WDR90: variants seen among roughly 807,000 people sequenced by gnomAD.
The protein encoded by WDR90 is WD repeat-containing protein 90.
In WDR90, 238 loss-of-function variants were observed where a neutral mutation model predicts 195.2. The ratio of observed to expected loss-of-function variants is 1.22; its 90% CI spans 1.10 to 1.36. The LOEUF is 1.36. Ranked by LOEUF, WDR90 falls within the 40% of genes most tolerant of loss-of-function variation. The probability of loss-of-function intolerance (pLI) is 0.00; values close to 1 mark genes in which losing one functional copy is unlikely to be tolerated. For missense variants in WDR90, 2,734 were observed against 2,439.5 expected (o/e 1.12, Z -2.54); for synonymous variants, 1,265 against 1,052.4 (o/e 1.20, Z -3.91).
chr16:652,269 TG>T, intron 9 of WDR90, 197 bp from the exon 10 acceptor site: 1 of 800,692 alleles, frequency 1.2e-6, no homozygotes, highest in East Asian at 2.7e-5. Flanking sequence ...AGGTGGTCTG[TG>T]GGGGACCCTC....
intron 34 of WDR90, chr16:665,464 T>A: frequency 1.5e-6 from 1 of 680,050 alleles, no homozygotes; most frequent in Non-Finnish European, 2.5e-6. Flanking sequence ...TTTGACTGGC[T>A]AGTGGGCTTG....
At chr16:663,760 C>T (rs1047745214) in intron 34 of WDR90, among the ~76,000 whole-genome samples, 1 of 152,224 alleles carries the variant, frequency 6.6e-6, no homozygotes, top group Non-Finnish European at 1.5e-5. Context: ...GCCACCGTGT[C>T]GCCCCCTCAC....
At chr16:664,975 G>A (rs1323159874) in intron 34 of WDR90, 2 of 152,782 alleles carry the variant, frequency 1.3e-5, no homozygotes, top group African/African-American at 2.4e-5. Context: ...CACCGCGCCC[G>A]GCTGAACTGA....
intron 32 of WDR90, 55 bp downstream of exon 32, chr16:662,114 G>A: frequency 6.4e-7 from 1 of 1,570,474 alleles, no homozygotes; most frequent in East Asian, 2.3e-5. Flanking sequence ...GGGATCCTCA[G>A]AGCTGGGGCA....
intron 40 of WDR90, 32 bp from the exon 41 acceptor site, chr16:667,400 G>T (rs746514012): frequency 1.3e-6 from 2 of 1,571,114 alleles, no homozygotes; most frequent in South Asian, 1.2e-5. Flanking sequence ...GCCTGGTCCT[G>T]GCCCTGGCCC....
At chr16:657,611 C>A (rs1596463846) in intron 20 of WDR90, 151 bp from the exon 21 acceptor site, 1 of 1,216,830 alleles carries the variant, frequency 8.2e-7, no homozygotes, top group Non-Finnish European at 1.1e-6. Context: ...CGCCCACTGG[C>A]ACCTTGGCAA....
rs777170272 is a variant in WDR90, at chr16:653,654, G to T, written c.1363G>T (p.Val455Phe). Residue 455 changes from valine (V) to phenylalanine (F), a missense_variant, in exon 12 of 41, where the codon GTT becomes TTT. Coordinates refer to ENST00000293879, the MANE Select transcript of WDR90 (RefSeq NM_145294.5). Reference protein sequence around the residue: ...CLCLFRSPMHVVCSLSFSDSG... With the variant: ...CLCLFRSPMHFVCSLSFSDSG... The stretch of plus-strand genomic sequence containing the variant: ...GTGCCTGTTCCGGAGCCCAATGCAC[G>T]TTGTCTGCTCTCTCAGGTGAGCACA... 6 of 1,613,516 alleles carry T rather than the reference G, an allele frequency of 3.7e-6. No homozygotes were observed. The highest frequency in any genetic ancestry group is 5.1e-6 in the Non-Finnish European group (6 of 1,179,970).
Position 651,890 on chromosome 16 carries a change from G to A in WDR90, c.904G>A (p.Asp302Asn). ...PEVSLSQERS[D>N]ASNADGPGFH... ...GGTCAGCCTGTCCCAAGAGCGCTCA[G>A]ACGCCTCCAACGCGGATGGCCCCGG... The change falls in exon 9 of 41, where the codon GAC (aspartate) becomes AAC (asparagine). Residue 302 changes from aspartate (D) to asparagine (N), a missense_variant. Asp to Asn is a conservative substitution (Grantham distance 23). Coordinates refer to ENST00000293879, the MANE Select transcript of WDR90 (RefSeq NM_145294.5). 6.2e-7 allele frequency: 1 copy of A among 1,611,182 alleles called. No individual in the cohort carries two copies. The highest frequency in any genetic ancestry group is 8.5e-7 in the Non-Finnish European group (1 of 1,179,850).
chr16:662,010 G>T lies in WDR90; in HGVS notation c.3984G>T (p.Thr1328=), dbSNP rs750925855. 1 of 1,603,872 alleles carries T rather than the reference G, an allele frequency of 6.2e-7. No homozygotes were observed. Among genetic ancestry groups the T allele is most frequent in the South Asian group, 1.1e-5 (1 of 91,078 alleles). Residue 1328 remains threonine (T), a synonymous_variant, in exon 32 of 41, where the codon ACG becomes ACT. Transcript: ENST00000293879. The part of the protein sequence containing the change: ...TSSGQVCVWD[T]RAGRCFLSWE... The stretch of plus-strand genomic sequence containing the variant: ...CTGGCCAGGTCTGTGTCTGGGACAC[G>T]CGTGCCGGCCGCTGCTTCTTGTCCT...
At chr16:651,497 G>T in intron 7 of WDR90, 147 bp from the exon 8 acceptor site, 2 of 990,240 alleles carry the variant, frequency 2.0e-6, no homozygotes, top group Admixed American at 2.3e-5. Flanking sequence ...GACTTTCAGG[G>T]CCTAGGGTGG....
intron 4 of WDR90, 63 bp downstream of exon 4, chr16:650,425 C>T (rs914823985): frequency 2.5e-5 from 40 of 1,592,136 alleles, no homozygotes; most frequent in Non-Finnish European, 3.4e-5. Context: ...GGTGCAGGCC[C>T]AGTGAGGCTC....
At chr16:658,136 G>A in intron 21 of WDR90, 47 bp from the exon 22 acceptor site, 1 of 1,576,296 alleles carries the variant, frequency 6.3e-7, no homozygotes, top group Non-Finnish European at 8.6e-7. Flanking sequence ...GGTGGCACCG[G>A]CTCTGCCCAG....
chr16:652,976 C>G (rs2037675613), intron 10 of WDR90, among the ~76,000 whole-genome samples: 1 of 152,204 alleles, frequency 6.6e-6, no homozygotes, highest in African/African-American at 2.4e-5. Flanking sequence ...GGCCTTGGGC[C>G]CTTGTCAGGC....
At position 659,368 on chromosome 16, in the gene WDR90, G is replaced by T; in HGVS notation, c.3176G>T (p.Gly1059Val). The change falls in exon 26 of 41, where the codon GGT (glycine) becomes GTT (valine). Residue 1059 changes from glycine (G) to valine (V), a missense_variant. Gly to Val is a moderately radical substitution (Grantham distance 109). Transcript: ENST00000293879. ...GGCGTCTGTGCCAGGCCTCCCGAAG[G>T]TGGCGATGGTGAGCAGCAGGGGTCC... ...RLGVCARPPE[G>V]GDGARDTRNS... The T allele has an allele frequency of 6.3e-7, 1 of 1,591,882 alleles. No homozygotes were observed. The highest frequency in any genetic ancestry group is 8.5e-7 in the Non-Finnish European group (1 of 1,170,374).
rs756785881 is a variant in WDR90 at position 666,890 on chromosome 16, G to T, written c.5005-15G>T. 152 of 1,612,964 alleles carry T rather than the reference G, an allele frequency of 9.4e-5. No homozygotes were observed. Among genetic ancestry groups the T allele is most frequent in the Non-Finnish European group, 1.3e-4 (151 of 1,179,944 alleles). On this transcript the variant is annotated splice_polypyrimidine_tract_variant and intron_variant, in intron 39 of 40. Transcript: ENST00000293879. Reference sequence around the variant, plus strand: ...TGAGCCCACAGGCCTGGAGCCTCACGCTGGCTGCTCACAGGTGGTGGAGAA... The same window carrying T: ...TGAGCCCACAGGCCTGGAGCCTCACTCTGGCTGCTCACAGGTGGTGGAGAA...
rs904585345 is a variant in WDR90, at chr16:663,980, T to C, written c.4311+1136T>C. Among the ~76,000 whole-genome samples the C allele has an allele frequency of 2.6e-5, 4 of 152,186 alleles. No individual in the cohort carries two copies. In the South Asian group the frequency reaches 8.3e-4, roughly 32 times the overall value. ...TTTTCCTTGATGCTGAGTCCCATCA[T>C]CCAGTTGCCCCTGGGTTGTTTCTTT... is the stretch of plus-strand genomic sequence containing the variant. On this transcript the variant is annotated intron_variant, in intron 34 of 40. Transcript: ENST00000293879.
rs760411046 is a variant in WDR90, at chr16:655,846, G to T, written c.1923G>T (p.Leu641Phe). 6.3e-7 allele frequency: 1 copy of T among 1,598,430 alleles called. No individual in the cohort carries two copies. The highest frequency in any genetic ancestry group is 8.5e-7 in the Non-Finnish European group (1 of 1,174,936). Residue 641 changes from leucine to phenylalanine, a missense_variant, in exon 17 of 41, where the codon TTG becomes TTT. Leu to Phe is a conservative substitution (Grantham distance 22, BLOSUM62 0). Coordinates refer to ENST00000293879, the MANE Select transcript of WDR90 (RefSeq NM_145294.5). ...MCAVGSEDGF[L>F]RLWPLDFSSV... Reference sequence around the variant, plus strand: ...CTGTGGGCTCTGAGGACGGCTTCTTGCGGCTCTGGCCCCTGGACTTCTCCT... The same window carrying T: ...CTGTGGGCTCTGAGGACGGCTTCTTTCGGCTCTGGCCCCTGGACTTCTCCT...
chr16:654,444 G>C (rs1354804889), intron 13 of WDR90: 4 of 150,646 alleles, frequency 2.7e-5, no homozygotes, highest in Admixed American at 1.3e-4. Flanking sequence ...GCAGTGGCGC[G>C]ATCTTAGCTC....
chr16:653,982 A>C, intron 13 of WDR90, 179 bp downstream of exon 13: 1 of 729,252 alleles, frequency 1.4e-6, no homozygotes, highest in East Asian at 2.8e-5. Flanking sequence ...CCTGCACAAA[A>C]ACCACCACCA....
Sources: allele counts gnomAD v4.1 joint callset (sites outside exome capture counted in the v4.1 genomes callset), GRCh38; gene constraint gnomAD v4.1.1; transcripts MANE v1.5; gene names NCBI Gene and HGNC (gene_info 2026-07-23, HGNC 2026-07-21).